Variants in STPG4 observed in about 807,000 individuals in gnomAD.
The protein encoded by STPG4 is protein STPG4.
STPG4 carries 41 observed loss-of-function variants against 31.5 expected under a neutral mutation model. That is an observed-to-expected ratio of 1.30 (90% CI 1.01 to 1.69). The LOEUF (loss-of-function observed/expected upper bound fraction) is 1.69, where lower values mean the gene tolerates loss of function less well. Ranked by LOEUF, STPG4 falls within the 40% of genes most tolerant of loss-of-function variation. STPG4 has a pLI of 0.00. For missense variants in STPG4, 375 were observed against 293.4 expected (o/e 1.28, Z -2.03); for synonymous variants, 141 against 103.0 (o/e 1.37, Z -2.24).
rs137950354 is a variant in STPG4 at position 47,096,792 on chromosome 2, A to G, written c.520-6418T>C. 2.7e-3 allele frequency among the ~76,000 whole-genome samples: 404 copies of G among 152,352 alleles called. 3 individuals are homozygous for G. The highest frequency in any genetic ancestry group is 9.3e-3 in the African/African-American group (385 of 41,576). On this transcript the variant is annotated intron_variant, in intron 5 of 6. Transcript: ENST00000445927. The stretch of plus-strand genomic sequence containing the variant: ...GGATCATTGACTTCAGGGTGCCTAC[A>G]ATCTAGTTGTGAAGACAAGGACAAA...
chr2:47,097,440 T>C (rs1685696055), intron 5 of STPG4, among the ~76,000 whole-genome samples: 1 of 152,070 alleles, frequency 6.6e-6, no homozygotes, highest in Non-Finnish European at 1.5e-5. Flanking sequence ...TGTTAAGATG[T>C]GGGGCCTTTG....
chr2:47,149,536 T>A (rs1399979298), intron 3 of STPG4, among the ~76,000 whole-genome samples: 1 of 152,238 alleles, frequency 6.6e-6, no homozygotes, highest in Non-Finnish European at 1.5e-5. Context: ...ATATACCTAA[T>A]GAACACTTAT....
intron 5 of STPG4, among the ~76,000 whole-genome samples, chr2:47,098,388 A>G (rs1685720257): frequency 6.6e-6 from 1 of 152,222 alleles, no homozygotes; most frequent in Non-Finnish European, 1.5e-5. Context: ...ACAGATGAGA[A>G]AGTGAGGCTC....
intron 5 of STPG4, among the ~76,000 whole-genome samples, chr2:47,120,497 G>T (rs1278690079): frequency 6.6e-6 from 1 of 152,126 alleles, no homozygotes; most frequent in Non-Finnish European, 1.5e-5. Context: ...AACCTGGGAG[G>T]TGGAGCTTGC....
At chr2:47,128,626 G>C (rs921673862) in intron 5 of STPG4, among the ~76,000 whole-genome samples, 1 of 152,054 alleles carries the variant, frequency 6.6e-6, no homozygotes, top group Non-Finnish European at 1.5e-5. Context: ...GTTCACTCAA[G>C]GCTCTTCAGT....
chr2:47,105,643 G>T (rs1424968497), intron 5 of STPG4, among the ~76,000 whole-genome samples: 4 of 152,048 alleles, frequency 2.6e-5, no homozygotes, highest in Admixed American at 6.5e-5. Context: ...AAGTTCATTT[G>T]TGGAGAATGG....
rs192688019 is a variant in STPG4 at position 47,102,903 on chromosome 2, T to C, written c.520-12529A>G. ...TAGATCCTATGTACCTATCAGGTCC[T>C]ACAGGGTCTAGGGCAAACCTTTGAC... On this transcript the variant is annotated intron_variant, in intron 5 of 6. Transcript: ENST00000445927. Among the ~76,000 whole-genome samples the C allele has an allele frequency of 2.6e-4, 40 of 151,950 alleles. 1 individual carries two copies. Among genetic ancestry groups the C allele is most frequent in the African/African-American group, 9.2e-4 (38 of 41,300 alleles).
At chr2:47,099,308 G>A (rs1414309721) in intron 5 of STPG4, among the ~76,000 whole-genome samples, 1 of 152,198 alleles carries the variant, frequency 6.6e-6, no homozygotes, top group Non-Finnish European at 1.5e-5. Flanking sequence ...ACTTGGACAG[G>A]GCTGGCAACT....
intron 3 of STPG4, among the ~76,000 whole-genome samples, chr2:47,145,108 A>G (rs1686793063): frequency 6.6e-6 from 1 of 152,252 alleles, no homozygotes; most frequent in Admixed American, 6.5e-5. Flanking sequence ...AAAGACAGCA[A>G]GAAGCCAAGG....
chr2:47,139,682 C>A (rs558974337), intron 3 of STPG4, among the ~76,000 whole-genome samples: 1 of 152,082 alleles, frequency 6.6e-6, no homozygotes, highest in Non-Finnish European at 1.5e-5. Context: ...GCAGATGATG[C>A]CATATTTACC....
At chr2:47,142,598 A>T (rs1686737164) in intron 3 of STPG4, among the ~76,000 whole-genome samples, 1 of 152,164 alleles carries the variant, frequency 6.6e-6, no homozygotes, top group African/African-American at 2.4e-5. Context: ...GAAAGAAAAA[A>T]ATTAATAGTC....
intron 3 of STPG4, among the ~76,000 whole-genome samples, chr2:47,138,637 A>C (rs1293477056): frequency 6.6e-6 from 1 of 151,054 alleles, no homozygotes; most frequent in African/African-American, 2.4e-5. Context: ...GCAACCTCTG[A>C]CTCCCTGGTT....
intron 3 of STPG4, among the ~76,000 whole-genome samples, chr2:47,150,563 T>G (rs1222620834): frequency 6.6e-6 from 1 of 151,852 alleles, no homozygotes; most frequent in East Asian, 1.9e-4. Flanking sequence ...TCACCCAGGC[T>G]GGGGTACAGT....
chr2:47,114,302 C>T (rs1279004930), intron 5 of STPG4, among the ~76,000 whole-genome samples: 6 of 151,814 alleles, frequency 4.0e-5, no homozygotes, highest in East Asian at 1.9e-4. Flanking sequence ...GCCCGGAGTT[C>T]GAGACCAGCC....
At chr2:47,151,126 T>G (rs1023789317) in intron 3 of STPG4, 132 bp downstream of exon 3, 23 of 1,183,238 alleles carry the variant, frequency 1.9e-5, no homozygotes, top group East Asian at 2.5e-5. Context: ...TTGTTTGATT[T>G]CTACGGGAAA....
chr2:47,137,701 G>A (rs1686623252), intron 3 of STPG4, among the ~76,000 whole-genome samples: 1 of 152,108 alleles, frequency 6.6e-6, no homozygotes, highest in South Asian at 2.1e-4. Context: ...GTCAGTTGTG[G>A]AAAATTCTGT....
At chr2:47,131,448 T>C (rs1025728029) in intron 3 of STPG4, among the ~76,000 whole-genome samples, 2 of 152,206 alleles carry the variant, frequency 1.3e-5, no homozygotes, top group Non-Finnish European at 2.9e-5. Context: ...TTAAATATTC[T>C]AGATTCAACA....
At chr2:47,119,408 G>C (rs1374518979) in intron 5 of STPG4, among the ~76,000 whole-genome samples, 1 of 152,152 alleles carries the variant, frequency 6.6e-6, no homozygotes, top group Non-Finnish European at 1.5e-5. Flanking sequence ...AAAAGCAATA[G>C]AACAATGGCA....
chr2:47,151,573 AC>A (rs1686938498), intron 2 of STPG4, 58 bp from the exon 3 acceptor site: 1 of 1,476,366 alleles, frequency 6.8e-7, no homozygotes, highest in Non-Finnish European at 9.3e-7. Flanking sequence ...CTCCTAAAAC[AC>A]CATTCTTGGA....
Sources: gnomAD v4.1 joint callset for allele counts (sites outside exome capture counted in the v4.1 genomes callset) on GRCh38, gnomAD v4.1.1 for gene constraint, MANE v1.5 for transcripts, NCBI Gene and HGNC (gene_info 2026-07-23, HGNC 2026-07-21) for gene names.